XRCC1: variants seen among roughly 807,000 people sequenced by gnomAD.
XRCC1 encodes the protein DNA repair protein XRCC1.
In XRCC1, 52 loss-of-function variants were observed where a neutral mutation model predicts 83.3. That is an observed-to-expected ratio of 0.62 (90% CI 0.50 to 0.79). The LOEUF (loss-of-function observed/expected upper bound fraction) is 0.79, where lower values mean the gene tolerates loss of function less well. Ranked by LOEUF, XRCC1 falls within the 30% of genes least tolerant of loss-of-function variation. The probability of loss-of-function intolerance (pLI) is 0.00; values close to 1 mark genes in which losing one functional copy is unlikely to be tolerated. For synonymous variants in XRCC1, 281 were observed against 312.6 expected, an observed-to-expected ratio of 0.90 and a Z score of 1.07; for missense variants, 793 against 823.5, an observed-to-expected ratio of 0.96 and a Z score of 0.45.
rs767855212 is a variant in XRCC1 at position 43,543,603 on chromosome 19, G to A, written c.1788+9C>T. 6.2e-7 allele frequency: 1 copy of A among 1,613,918 alleles called. No individual in the cohort carries two copies. Among genetic ancestry groups the A allele is most frequent in the South Asian group, 1.1e-5 (1 of 91,074 alleles). The stretch of plus-strand genomic sequence containing the variant: ...CGGGTCTCCCATTCTCTGCCTCTTT[G>A]GTACTCACCTCCTCAAAGCTGGGAT... On this transcript the variant is annotated intron_variant, in intron 16 of 16. Coordinates refer to ENST00000262887, the MANE Select transcript of XRCC1 (RefSeq NM_006297.3).
intron 2 of XRCC1, among the ~76,000 whole-genome samples, chr19:43,571,130 A>G (rs1399568921): frequency 6.6e-6 from 1 of 152,064 alleles, no homozygotes; most frequent in Non-Finnish European, 1.5e-5. Context: ...GTAAAAGCTC[A>G]AGTCCTTTCA....
At chr19:43,552,674 G>A (rs930019621) in intron 8 of XRCC1, 123 bp downstream of exon 8, 14 of 964,106 alleles carry the variant, frequency 1.5e-5, no homozygotes, top group Middle Eastern at 3.3e-4. Flanking sequence ...TCCTCCCTCA[G>A]ACCCAGGGGT....
chr19:43,548,778 A>AC, intron 10 of XRCC1, among the ~76,000 whole-genome samples: 1 of 128,902 alleles, frequency 7.8e-6, no homozygotes. Context: ...AAAAAAAAAA[A>AC]AAAAAAAACA....
intron 10 of XRCC1, 48 bp downstream of exon 10, chr19:43,551,523 C>T (rs745913847): frequency 7.2e-6 from 11 of 1,518,016 alleles, no homozygotes; most frequent in African/African-American, 2.7e-5. Flanking sequence ...AGATTCCTGG[C>T]ATTGCCCAGC....
At chr19:43,552,741 C>T (rs906181444) in intron 8 of XRCC1, 56 bp downstream of exon 8, 2 of 1,482,018 alleles carry the variant, frequency 1.3e-6, no homozygotes, top group Admixed American at 2.2e-5. Context: ...AGCCCCGCTT[C>T]CCCTAGGACA....
At chr19:43,548,262 G>A (rs1972538164) in intron 10 of XRCC1, among the ~76,000 whole-genome samples, 2 of 151,988 alleles carry the variant, frequency 1.3e-5, no homozygotes, top group South Asian at 2.1e-4. Context: ...CCACCACCCC[G>A]TCTGGGAGGT....
rs749910091 is a variant in XRCC1, at chr19:43,552,919, G to A, written c.712-11C>T. 5 of 1,612,564 alleles carry A rather than the reference G, an allele frequency of 3.1e-6. No individual in the cohort carries two copies. Among genetic ancestry groups the A allele is most frequent in the Non-Finnish European group, 4.2e-6 (5 of 1,179,354 alleles). ...GGGAGACTCCTGGGGCTGAGGGGAT[G>A]GGGATGGATTGAGGCCTCCAGCTTC... is the stretch of plus-strand genomic sequence containing the variant. On this transcript the variant is annotated splice_polypyrimidine_tract_variant and intron_variant, in intron 7 of 16. Coordinates refer to ENST00000262887, the MANE Select transcript of XRCC1 (RefSeq NM_006297.3).
At chr19:43,550,467 C>G (rs1033599983) in intron 10 of XRCC1, among the ~76,000 whole-genome samples, 1 of 152,148 alleles carries the variant, frequency 6.6e-6, no homozygotes, top group African/African-American at 2.4e-5. Flanking sequence ...GAAGCCCCTT[C>G]TGACCTGAGC....
At position 43,560,894 on chromosome 19, in the gene XRCC1, T is replaced by G. The variant is rs1233840021; in HGVS notation, c.255+16A>C. 1 of 1,600,464 alleles carries G rather than the reference T, an allele frequency of 6.2e-7. No individual in the cohort carries two copies. On this transcript the variant is annotated intron_variant, in intron 3 of 16. Coordinates refer to ENST00000262887, the MANE Select transcript of XRCC1 (RefSeq NM_006297.3). ...GGCAGAGGTCAGTATGGGATCCATC[T>G]CATAGCCCTGCTTACCTCATAGTCT...
At chr19:43,573,023 T>G (rs908553691) in intron 2 of XRCC1, among the ~76,000 whole-genome samples, 1 of 147,346 alleles carries the variant, frequency 6.8e-6, no homozygotes, top group Admixed American at 7.0e-5. Flanking sequence ...GCTTCAACCT[T>G]ATGGGCTCAA....
chr19:43,574,237 A>G (rs1375713104), intron 2 of XRCC1, among the ~76,000 whole-genome samples: 1 of 151,788 alleles, frequency 6.6e-6, no homozygotes, highest in Non-Finnish European at 1.5e-5. Flanking sequence ...CACCATACTC[A>G]GCTAATCTAT....
At chr19:43,553,287 C>G in intron 6 of XRCC1, 114 bp downstream of exon 6, 1 of 1,289,582 alleles carries the variant, frequency 7.8e-7, no homozygotes, top group Non-Finnish European at 1.1e-6. Flanking sequence ...GTCCAGGACT[C>G]CACTACCCTC....
In XRCC1 at chr19:43,552,849, GGTC is replaced by G. The variant is rs1972595597; in HGVS notation, c.768_770del (p.Lys256_Thr257delinsAsn). 6.2e-7 allele frequency: 1 copy of G among 1,613,550 alleles called. No homozygotes were observed. Among genetic ancestry groups the G allele is most frequent in the Non-Finnish European group, 8.5e-7 (1 of 1,179,840 alleles). On this transcript the variant is annotated inframe_deletion, in exon 8 of 17. Coordinates refer to ENST00000262887, the MANE Select transcript of XRCC1 (RefSeq NM_006297.3). ...ACAGCTGGGCTGGTGGTTTGCTGGG[GGTC>G]TTCTTTTCTTCTTGGTTCAAATCCA...
intron 2 of XRCC1, among the ~76,000 whole-genome samples, chr19:43,566,435 A>G (rs1187865246): frequency 6.8e-6 from 1 of 147,198 alleles, no homozygotes; most frequent in Non-Finnish European, 1.5e-5. Context: ...CGGGAGGCTG[A>G]GGCAGAGAAT....
At chr19:43,551,783 A>G (rs76560047) in intron 9 of XRCC1, 96 bp from the exon 10 acceptor site, 1 of 1,083,044 alleles carries the variant, frequency 9.2e-7, no homozygotes, top group Non-Finnish European at 1.4e-6. Flanking sequence ...AGAGAGACAG[A>G]CAGACAGACA....
intron 2 of XRCC1, among the ~76,000 whole-genome samples, chr19:43,573,231 A>G (rs1001845413): frequency 1.3e-5 from 2 of 152,100 alleles, no homozygotes; most frequent in Non-Finnish European, 2.9e-5. Flanking sequence ...AAGCATTCTT[A>G]TAAGAATTTG....
intron 9 of XRCC1, among the ~76,000 whole-genome samples, 153 bp from the exon 10 acceptor site, chr19:43,551,840 G>C (rs1972579049): frequency 6.6e-6 from 1 of 152,192 alleles, no homozygotes; most frequent in Non-Finnish European, 1.5e-5. Flanking sequence ...TGGAGACCAA[G>C]GGAGAGATGC....
At position 43,561,619 on chromosome 19, in the gene XRCC1, G is replaced by A. The variant is rs376065492; in HGVS notation, c.145-599C>T. ...GGCCACAGGGCATGGCGAAGAGTAGGCAATTATCTGCTGTCAGTCAGGAGG... is the reference window on the plus strand; with the variant it reads ...GGCCACAGGGCATGGCGAAGAGTAGACAATTATCTGCTGTCAGTCAGGAGG... On this transcript the variant is annotated intron_variant, in intron 2 of 16. Coordinates refer to ENST00000262887, the MANE Select transcript of XRCC1 (RefSeq NM_006297.3). Among the ~76,000 whole-genome samples the A allele has an allele frequency of 3.8e-4, 58 of 152,340 alleles. 1 individual carries two copies. The highest frequency in any genetic ancestry group is 1.3e-3 in the African/African-American group (56 of 41,582).
rs1245027249 is a variant in XRCC1 at position 43,554,818 on chromosome 19, G to A, written c.256-14C>T. On this transcript the variant is annotated splice_polypyrimidine_tract_variant and intron_variant, in intron 3 of 16. Coordinates refer to ENST00000262887, the MANE Select transcript of XRCC1 (RefSeq NM_006297.3). Reference sequence around the variant, plus strand: ...GACCAGAAGGACCTGGGTGGGAGAAGCCACAGTGCATGAGAACCAGGGCAG... The same window carrying A: ...GACCAGAAGGACCTGGGTGGGAGAAACCACAGTGCATGAGAACCAGGGCAG... 1 of 1,606,746 alleles carries A rather than the reference G, an allele frequency of 6.2e-7. No individual in the cohort carries two copies. Among genetic ancestry groups the A allele is most frequent in the East Asian group, 2.2e-5 (1 of 44,656 alleles).
Sources: allele counts gnomAD v4.1 joint callset (sites outside exome capture counted in the v4.1 genomes callset), GRCh38; gene constraint gnomAD v4.1.1; transcripts MANE v1.5; gene names NCBI Gene and HGNC (gene_info 2026-07-23, HGNC 2026-07-21).